MAN1A2: variants seen among roughly 807,000 people sequenced by gnomAD.
MAN1A2 encodes the protein mannosidase alpha class 1A member 2, also known as mannosyl-oligosaccharide 1,2-alpha-mannosidase IB.
A neutral mutation model predicts 75.7 loss-of-function variants in MAN1A2; 26 were observed. The ratio of observed to expected loss-of-function variants is 0.34; its 90% CI spans 0.25 to 0.48. The LOEUF is 0.48. Ranked by LOEUF, MAN1A2 falls within the 20% of genes least tolerant of loss-of-function variation. MAN1A2 has a pLI of 0.99. For missense variants in MAN1A2, 562 were observed against 775.5 expected (o/e 0.72, Z 3.27); for synonymous variants, 247 against 264.6 (o/e 0.93, Z 0.65).
In MAN1A2 at chr1:117,422,389, G is replaced by A. The variant is rs572973583; in HGVS notation, c.855+1740G>A. ...ATATTTATCAGTGGAATTATTTACA[G>A]TTTTGGAGATTGTGAATAAACCTGC... is the stretch of plus-strand genomic sequence containing the variant. On this transcript the variant is annotated intron_variant, in intron 5 of 12. Coordinates refer to ENST00000356554, the MANE Select transcript of MAN1A2 (RefSeq NM_006699.5). Among the ~76,000 whole-genome samples, 4 of 152,132 alleles carry A rather than the reference G, an allele frequency of 2.6e-5. No homozygotes were observed. The South Asian group carries it at 8.3e-4, about 32-fold the overall frequency.
At chr1:117,388,596 A>T (rs1020393162) in intron 1 of MAN1A2, among the ~76,000 whole-genome samples, 2 of 152,088 alleles carry the variant, frequency 1.3e-5, no homozygotes, top group Non-Finnish European at 2.9e-5. Flanking sequence ...AGATGTCACA[A>T]ACCAGGTCTC....
In MAN1A2 at chr1:117,417,706, A is replaced by ACACTCT. The variant is rs1553232820; in HGVS notation, c.775-2862_775-2861insACTCTC. Among the ~76,000 whole-genome samples the ACACTCT allele has an allele frequency of 2.2e-3, 309 of 143,586 alleles. 4 individuals carry two copies. The highest frequency in any genetic ancestry group is 7.5e-3 in the African/African-American group (292 of 39,004). 94.2% of individuals were successfully genotyped at this position (143,586 alleles called of 152,430 possible). ...AGTAGGCGTGCACACACACACACAC[A>ACACTCT]CTCTCTCTCTCTCTCTCTCTCTCTC... On this transcript the variant is annotated intron_variant, in intron 4 of 12. Transcript: ENST00000356554.
At chr1:117,417,300 A>G (rs1459094918) in intron 4 of MAN1A2, among the ~76,000 whole-genome samples, 1 of 151,676 alleles carries the variant, frequency 6.6e-6, no homozygotes, top group African/African-American at 2.4e-5. Context: ...ATTTTTATCC[A>G]ACCTTAGAGT....
At chr1:117,410,644 A>T (rs1019461115) in intron 3 of MAN1A2, among the ~76,000 whole-genome samples, 1 of 151,588 alleles carries the variant, frequency 6.6e-6, no homozygotes, top group African/African-American at 2.4e-5. Flanking sequence ...AAGAATAAAG[A>T]TTGGAAATGA....
intron 1 of MAN1A2, among the ~76,000 whole-genome samples, chr1:117,376,308 A>G (rs61809512): frequency 0.2 from 17,100 of 84,230 alleles, 1,052 homozygotes; most frequent in Non-Finnish European, 0.23. Flanking sequence ...CCGGTCCAGC[A>G]TGACTCAAGT....
chr1:117,475,146 A>G (rs970512933), intron 8 of MAN1A2, among the ~76,000 whole-genome samples: 1 of 151,312 alleles, frequency 6.6e-6, no homozygotes, highest in African/African-American at 2.4e-5. Flanking sequence ...TGACTTACAC[A>G]CCTTCATATG....
Position 117,405,457 on chromosome 1 carries a change from A to G in MAN1A2, c.559-92A>G, listed in dbSNP as rs1421141901. The G allele has an allele frequency of 7.9e-6, 6 of 756,930 alleles. No homozygotes were observed. The Admixed American group carries it at 1.1e-4, about 14-fold the overall frequency. 46.9% of individuals were successfully genotyped at this position (756,930 alleles called of 1,614,324 possible). ...CTAATATAGATCTGGAAGAATGGGCAAGGATATAGTAATAGAACCCAAAAT... is the reference window on the plus strand; with the variant it reads ...CTAATATAGATCTGGAAGAATGGGCGAGGATATAGTAATAGAACCCAAAAT... On this transcript the variant is annotated intron_variant, in intron 2 of 12. Coordinates refer to ENST00000356554, the MANE Select transcript of MAN1A2 (RefSeq NM_006699.5).
intron 3 of MAN1A2, among the ~76,000 whole-genome samples, chr1:117,408,638 G>A (rs1647699115): frequency 1.3e-5 from 2 of 152,080 alleles, no homozygotes; most frequent in South Asian, 4.1e-4. Context: ...TGATATCAGA[G>A]TAATGCTGGA....
At chr1:117,397,843 G>T (rs1647252545) in intron 1 of MAN1A2, among the ~76,000 whole-genome samples, 2 of 151,654 alleles carry the variant, frequency 1.3e-5, no homozygotes, top group African/African-American at 4.9e-5. Flanking sequence ...GTAGAGACGG[G>T]GTTTCACCAT....
intron 3 of MAN1A2, among the ~76,000 whole-genome samples, chr1:117,414,433 T>C (rs1647922232): frequency 6.6e-6 from 1 of 151,432 alleles, no homozygotes; most frequent in African/African-American, 2.4e-5. Flanking sequence ...AAAAGTATGC[T>C]TTTAGTTTTC....
intron 6 of MAN1A2, among the ~76,000 whole-genome samples, chr1:117,449,558 CAA>C (rs34612489): frequency 3.7e-4 from 39 of 106,586 alleles, no homozygotes; most frequent in Admixed American, 5.3e-4. Flanking sequence ...GACCCTGTCT[CAA>C]AAAAAAAAAA....
At chr1:117,407,701 GCTTAAA>G (rs1197368004) in intron 3 of MAN1A2, among the ~76,000 whole-genome samples, 16 of 152,108 alleles carry the variant, frequency 1.1e-4, no homozygotes, top group African/African-American at 3.9e-4. Context: ...TTGCAAAATG[GCTTAAA>G]CTAAAAAGAA....
chr1:117,390,432 C>T (rs1209168371), intron 1 of MAN1A2, among the ~76,000 whole-genome samples: 1 of 151,406 alleles, frequency 6.6e-6, no homozygotes, highest in Non-Finnish European at 1.5e-5. Context: ...TTCTTACTGT[C>T]ATTTGAGTAT....
At chr1:117,521,233 C>G (rs528448317) in intron 12 of MAN1A2, among the ~76,000 whole-genome samples, 21 of 152,006 alleles carry the variant, frequency 1.4e-4, no homozygotes, top group Non-Finnish European at 2.9e-5. Context: ...AAAAACCCTT[C>G]TAGACATTGG....
intron 1 of MAN1A2, among the ~76,000 whole-genome samples, chr1:117,376,446 C>T (rs927219746): frequency 3.3e-5 from 5 of 152,206 alleles, no homozygotes; most frequent in African/African-American, 1.2e-4. Flanking sequence ...GTCTAATTAC[C>T]CTGCTAACGT....
At chr1:117,460,825 C>A (rs1005929566) in intron 7 of MAN1A2, among the ~76,000 whole-genome samples, 2 of 152,192 alleles carry the variant, frequency 1.3e-5, no homozygotes, top group African/African-American at 4.8e-5. Context: ...GTTATAACCA[C>A]TGTTACATTT....
intron 6 of MAN1A2, 27 bp downstream of exon 6, chr1:117,442,352 T>G (rs370793385): frequency 1.4e-6 from 2 of 1,440,002 alleles, no homozygotes; most frequent in Non-Finnish European, 2.0e-6. Flanking sequence ...ATTCTTATTC[T>G]GGAAGAATTA....
intron 12 of MAN1A2, among the ~76,000 whole-genome samples, chr1:117,506,236 C>A (rs771679555): frequency 6.6e-6 from 1 of 151,430 alleles, no homozygotes; most frequent in Non-Finnish European, 1.5e-5. Context: ...GAATTTACTG[C>A]GGATTCATTA....
At chr1:117,495,602 A>T (rs565140724) in intron 9 of MAN1A2, among the ~76,000 whole-genome samples, 10 of 151,948 alleles carry the variant, frequency 6.6e-5, no homozygotes, top group African/African-American at 2.4e-4. Context: ...CTTTTACTTT[A>T]GTTCTAGTAA....
Sources: allele counts gnomAD v4.1 joint callset (sites outside exome capture counted in the v4.1 genomes callset), GRCh38; gene constraint gnomAD v4.1.1; transcripts MANE v1.5; gene names NCBI Gene and HGNC (gene_info 2026-07-23, HGNC 2026-07-21).